GNL3L: variants seen among roughly 807,000 people sequenced by gnomAD.
GNL3L encodes the protein guanine nucleotide-binding protein-like 3-like protein.
Under a neutral mutation model 42.9 loss-of-function variants are expected in GNL3L, and 4 were observed. That is an observed-to-expected ratio of 0.09 (90% CI 0.05 to 0.21). The LOEUF (loss-of-function observed/expected upper bound fraction) is 0.21, where lower values mean the gene tolerates loss of function less well. Among genes scored for constraint, GNL3L ranks in the 10% least tolerant of loss-of-function variants. The pLI is 1.00. For missense variants in GNL3L, 412 were observed against 481.7 expected (o/e 0.86, Z 1.36); for synonymous variants, 159 against 176.3 (o/e 0.90, Z 0.78).
chrX:54,536,661 T>C (rs992327357), intron 2 of GNL3L, among the ~76,000 whole-genome samples: 2 of 108,882 alleles, frequency 1.8e-5, no homozygotes, highest in African/African-American at 6.7e-5. Context: ...GGTGCACGCC[T>C]GTAATCCCAG....
chrX:54,580,981 A>G (rs1241339126), intron 16 of GNL3L, among the ~76,000 whole-genome samples: 2 of 109,701 alleles, frequency 1.8e-5, no homozygotes, highest in Non-Finnish European at 3.8e-5. Context: ...GGGTTTCCCC[A>G]TGTTGGCCAG....
chrX:54,558,735 C>A, intron 15 of GNL3L, 80 bp downstream of exon 15: 3 of 669,874 alleles, frequency 4.5e-6, no homozygotes, highest in Non-Finnish European at 6.9e-6. Context: ...TGGCTCACTG[C>A]AGTCTCCGCC....
At chrX:54,589,505 G>C (rs1328050353) in intron 16 of GNL3L, among the ~76,000 whole-genome samples, 3 of 111,218 alleles carry the variant, frequency 2.7e-5, no homozygotes, top group Non-Finnish European at 5.7e-5. Flanking sequence ...ATGTTTTTGT[G>C]CCTGGCTTAT....
the GNL3L span, among the ~76,000 whole-genome samples, chrX:54,629,075 G>A: frequency 9.3e-6 from 1 of 107,656 alleles, no homozygotes; most frequent in Non-Finnish European, 1.9e-5. Context: ...GGTTACTGTT[G>A]GTGTATAGTA....
At chrX:54,600,237 TTTTTTTA>T in intron 16 of GNL3L, among the ~76,000 whole-genome samples, 1 of 67,808 alleles carries the variant, frequency 1.5e-5, no homozygotes, top group African/African-American at 1.2e-4. Context: ...TTTTTTTTTT[TTTTTTTA>T]AGACGGAGTT....
chrX:54,641,612 GACTA>G, the GNL3L span, among the ~76,000 whole-genome samples: 3 of 111,895 alleles, frequency 2.7e-5, no homozygotes, highest in South Asian at 3.7e-4. Context: ...ATCAAGCAAG[GACTA>G]ACTATGTATT....
rs1186441952 is a variant in GNL3L at position 54,566,960 on chromosome X, A to T, written c.*6358A>T. 8.9e-6 allele frequency among the ~76,000 whole-genome samples: 1 copy of T among 111,766 alleles called. No homozygotes were observed. Among genetic ancestry groups the T allele is most frequent in the Non-Finnish European group, 1.9e-5 (1 of 53,193 alleles). On this transcript the variant is annotated 3_prime_UTR_variant, in exon 16 of 16. Coordinates refer to ENST00000360845, the MANE Select transcript of GNL3L (RefSeq NM_001184819.2). Reference sequence around the variant, plus strand: ...GTTAAATTTATTAATTTGTTTTTCTATGGATCATGCTTTTTGTGTTACATC... The same window carrying T: ...GTTAAATTTATTAATTTGTTTTTCTTTGGATCATGCTTTTTGTGTTACATC...
chrX:54,628,601 G>A, the GNL3L span, among the ~76,000 whole-genome samples: 1 of 110,702 alleles, frequency 9.0e-6, no homozygotes, highest in East Asian at 2.8e-4. Context: ...GCATTTTCCT[G>A]ATAATTAGTG....
intron 16 of GNL3L, among the ~76,000 whole-genome samples, chrX:54,615,558 G>A (rs1260676210): frequency 1.8e-5 from 2 of 111,727 alleles, no homozygotes; most frequent in African/African-American, 6.5e-5. Flanking sequence ...CCAATAAAAG[G>A]CTGGAGATGT....
chrX:54,628,212 GGTGTGTGTGTGTGTGTGTGTGTGT>G, the GNL3L span, among the ~76,000 whole-genome samples: 1 of 95,768 alleles, frequency 1.0e-5, no homozygotes, highest in Non-Finnish European at 2.1e-5. Context: ...AGTATTCCGT[GGTGTGTGTGTGTGTGTGTGTGTGT>G]GTGTGTGTGT....
chrX:54,567,600 C>G (rs1341939031), downstream of GNL3L, among the ~76,000 whole-genome samples: 3 of 103,809 alleles, frequency 2.9e-5, no homozygotes, highest in African/African-American at 1.1e-4. Flanking sequence ...GAGCCGAGAT[C>G]ACACCATTGC....
intron 16 of GNL3L, among the ~76,000 whole-genome samples, chrX:54,582,729 C>T (rs1224175163): frequency 4.5e-5 from 5 of 111,457 alleles, no homozygotes; most frequent in Admixed American, 9.5e-5. Flanking sequence ...ATTAGAGGTG[C>T]GTGCCACCAC....
chrX:54,609,432 G>A (rs1926137638), intron 16 of GNL3L, among the ~76,000 whole-genome samples: 1 of 112,458 alleles, frequency 8.9e-6, no homozygotes, highest in African/African-American at 3.2e-5. Context: ...CTAAGCCAAT[G>A]TCTAGAAGGG....
intron 16 of GNL3L, among the ~76,000 whole-genome samples, chrX:54,618,550 A>T (rs1926249240): frequency 9.0e-6 from 1 of 111,520 alleles, no homozygotes; most frequent in African/African-American, 3.3e-5. Flanking sequence ...TAAGCACTAG[A>T]TCACAATAGA....
In GNL3L at chrX:54,564,156, T is replaced by A. The variant is rs1331617741; in HGVS notation, c.*3554T>A. 1.8e-5 allele frequency among the ~76,000 whole-genome samples: 2 copies of A among 111,195 alleles called. No individual in the cohort carries two copies. Reference sequence around the variant, plus strand: ...CTGTCATATCAATAGAATCATACAATGAGTAGGCTTATTTTATGCCTTCAG... The same window carrying A: ...CTGTCATATCAATAGAATCATACAAAGAGTAGGCTTATTTTATGCCTTCAG... On this transcript the variant is annotated 3_prime_UTR_variant, in exon 16 of 16. Coordinates refer to ENST00000360845, the MANE Select transcript of GNL3L (RefSeq NM_001184819.2).
intron 14 of GNL3L, 90 bp from the exon 15 acceptor site, chrX:54,558,346 C>G: frequency 1.6e-6 from 1 of 636,187 alleles, no homozygotes; most frequent in Non-Finnish European, 2.6e-6. Context: ...CTGTTCTTAC[C>G]CAAGCCTGTG....
At position 54,539,084 on chromosome X, in the gene GNL3L, A is replaced by G; in HGVS notation, c.64A>G (p.Ser22Gly). 1 of 1,137,984 alleles carries G rather than the reference A, an allele frequency of 8.8e-7. No individual in the cohort carries two copies. The highest frequency in any genetic ancestry group is 1.2e-6 in the Non-Finnish European group (1 of 833,916). 93.8% of individuals were successfully genotyped at this position (1,137,984 alleles called of 1,213,427 possible). The change falls in exon 3 of 16, where the codon AGT becomes GGT. Residue 22 changes from serine (S) to glycine (G), a missense_variant. Ser to Gly is a moderately conservative substitution (Grantham distance 56). Coordinates refer to ENST00000360845, the MANE Select transcript of GNL3L (RefSeq NM_001184819.2). ...AGGTTCCAAGGGCCACAAGAAGATA[A>G]GTTGGCCCTACCCTCAGGTAAGGTA... is the stretch of plus-strand genomic sequence containing the variant. The part of the protein sequence containing the change: ...GEGSKGHKKI[S>G]WPYPQPAKQN...
intron 16 of GNL3L, among the ~76,000 whole-genome samples, chrX:54,599,005 C>T (rs1470118437): frequency 1.8e-5 from 2 of 111,792 alleles, no homozygotes; most frequent in Non-Finnish European, 3.8e-5. Flanking sequence ...AACCAGAGAT[C>T]TGTAATTCTC....
intron 2 of GNL3L, among the ~76,000 whole-genome samples, chrX:54,536,915 C>T (rs1048146677): frequency 9.1e-6 from 1 of 110,399 alleles, no homozygotes; most frequent in Non-Finnish European, 1.9e-5. Context: ...ATGTCTTTTT[C>T]TTACTTTCAC....
Sources: gnomAD v4.1 joint callset for allele counts (sites outside exome capture counted in the v4.1 genomes callset) on GRCh38, gnomAD v4.1.1 for gene constraint, MANE v1.5 for transcripts, NCBI Gene and HGNC (gene_info 2026-07-23, HGNC 2026-07-21) for gene names.